SSH1: variants seen among roughly 807,000 people sequenced by gnomAD.
SSH1 encodes protein phosphatase Slingshot homolog 1.
Under a neutral mutation model 79.7 loss-of-function variants are expected in SSH1, and 43 were observed. The ratio of observed to expected loss-of-function variants is 0.54; its 90% CI spans 0.42 to 0.70. The LOEUF is 0.70. Ranked by LOEUF, SSH1 falls within the 30% of genes least tolerant of loss-of-function variation. SSH1 has a pLI of 0.00. For synonymous variants in SSH1, 599 were observed against 538.3 expected (o/e 1.11, Z -1.56); for missense variants, 1,206 against 1,358.8 (o/e 0.89, Z 1.77).
At chr12:108,845,487 A>G (rs1321028856) in intron 2 of SSH1, among the ~76,000 whole-genome samples, 5 of 152,180 alleles carry the variant, frequency 3.3e-5, no homozygotes, top group Non-Finnish European at 7.4e-5. Flanking sequence ...CAGGTGCTCG[A>G]GACCAACCTG....
intron 6 of SSH1, among the ~76,000 whole-genome samples, chr12:108,810,777 C>A (rs893599723): frequency 6.6e-6 from 1 of 152,242 alleles, no homozygotes; most frequent in Non-Finnish European, 1.5e-5. Context: ...CATCCCCCGA[C>A]TGCCTGCCCG....
chr12:108,851,765 T>C (rs199852299), intron 2 of SSH1, among the ~76,000 whole-genome samples: 1 of 152,146 alleles, frequency 6.6e-6, no homozygotes, highest in East Asian at 1.9e-4. Context: ...TTGATACCTT[T>C]AGGGGGTTGA....
chr12:108,800,971 G>A (rs767493834), intron 11 of SSH1, 45 bp from the exon 12 acceptor site: 1 of 1,580,236 alleles, frequency 6.3e-7, no homozygotes, highest in East Asian at 2.2e-5. Context: ...CAATCTGAAT[G>A]AGAAAGAAAA....
chr12:108,825,592 CG>C (rs2038280968), intron 2 of SSH1, among the ~76,000 whole-genome samples: 2 of 152,278 alleles, frequency 1.3e-5, no homozygotes, highest in Admixed American at 6.6e-5. Context: ...AATTGGTTTT[CG>C]ATATCTTGTG....
At position 108,788,471 on chromosome 12, in the gene SSH1, T is replaced by C. The variant is rs746679616; in HGVS notation, c.2667A>G (p.Ser889=). ...GGCTCTTCAGTGAGCCTCCTTCCAA[T>C]GAAGCGGGGGCGGCCTCTGACTTCT... ...SDEKSEAAPA[S]LEGGSLKSPP... The change falls in exon 15 of 15, where the codon TCA becomes TCG. Residue 889 remains serine (S), a synonymous_variant. Coordinates refer to ENST00000326495, the MANE Select transcript of SSH1 (RefSeq NM_018984.4). The C allele has an allele frequency of 4.5e-6, 7 of 1,559,174 alleles. No individual in the cohort carries two copies. The Admixed American group carries it at 1.2e-4, about 26-fold the overall frequency.
chr12:108,818,435 C>T (rs949287265), intron 3 of SSH1, 122 bp from the exon 4 acceptor site: 3 of 820,102 alleles, frequency 3.7e-6, no homozygotes, highest in African/African-American at 3.5e-5. Flanking sequence ...TGTCTACCTA[C>T]ACCACAGGAG....
intron 1 of SSH1, chr12:108,853,223 G>C (rs2039080349): frequency 2.0e-6 from 2 of 985,108 alleles, no homozygotes; most frequent in Non-Finnish European, 1.2e-6. Flanking sequence ...TTAAACATTT[G>C]ATACGAAACA....
intron 10 of SSH1, among the ~76,000 whole-genome samples, chr12:108,803,678 G>A (rs1256913862): frequency 2.0e-5 from 3 of 152,166 alleles, no homozygotes; most frequent in African/African-American, 7.2e-5. Flanking sequence ...AGCTGAGACT[G>A]TCCTCTTGCT....
intron 2 of SSH1, chr12:108,826,322 G>A (rs1393724174): frequency 3.7e-5 from 13 of 354,694 alleles, no homozygotes; most frequent in East Asian, 2.3e-4. Flanking sequence ...CCTGCTCTAC[G>A]CATGAAGTCA....
intron 4 of SSH1, chr12:108,817,529 C>T (rs1386188616): frequency 8.8e-6 from 3 of 340,736 alleles, no homozygotes; most frequent in African/African-American, 4.3e-5. Flanking sequence ...GAGCTGAGAT[C>T]ATGCCACCAC....
intron 2 of SSH1, among the ~76,000 whole-genome samples, chr12:108,823,824 T>C (rs920880953): frequency 1.3e-5 from 2 of 152,300 alleles, no homozygotes; most frequent in East Asian, 1.9e-4. Context: ...TGTGCCACCA[T>C]GGCCAGCTAA....
chr12:108,808,821 C>CTTGTTTTTTT (rs2037419996), intron 7 of SSH1, among the ~76,000 whole-genome samples: 1 of 80,228 alleles, frequency 1.2e-5, no homozygotes. Context: ...TCTTTTACTT[C>CTTGTTTTTTT]TTTTTTTTTT....
At chr12:108,802,253 C>A (rs1373280973) in intron 11 of SSH1, 69 bp downstream of exon 11, 2 of 1,482,300 alleles carry the variant, frequency 1.3e-6, no homozygotes, top group East Asian at 2.3e-5. Flanking sequence ...AGGTCTCCCC[C>A]TCCATGGCAG....
intron 13 of SSH1, among the ~76,000 whole-genome samples, chr12:108,795,440 A>T (rs1490766070): frequency 6.6e-6 from 1 of 151,948 alleles, no homozygotes; most frequent in Non-Finnish European, 1.5e-5. Context: ...TTTTTAGAAG[A>T]GATGGGGTTT....
rs911162493 is a variant in SSH1 at position 108,807,934 on chromosome 12, T to C, written c.537-107A>G. The C allele has an allele frequency of 5.2e-5, 52 of 999,982 alleles. No individual in the cohort carries two copies. In the Admixed American group the frequency reaches 9.3e-4, roughly 18 times the overall value. 61.9% of individuals were successfully genotyped at this position (999,982 alleles called of 1,614,324 possible). On this transcript the variant is annotated intron_variant, in intron 7 of 14. Transcript: ENST00000326495. The surrounding 1 kb of genome is among the most constrained non-coding windows in gnomAD (Gnocchi z 5.2). ...ACGGGAAGGGAAGGGCAATGATTGA[T>C]TGGTTGATTATTTCTTTTTGGGACA...
Position 108,857,528 on chromosome 12 carries a change from G to C in SSH1, c.-32C>G. The C allele has an allele frequency of 5.5e-6, 6 of 1,099,516 alleles. No individual in the cohort carries two copies. The highest frequency in any genetic ancestry group is 4.5e-6 in the Non-Finnish European group (4 of 888,134). The allele number at this position is 1,099,516 out of a possible 1,614,324, so 68.1% of individuals were successfully genotyped here. On this transcript the variant is annotated 5_prime_UTR_variant, in exon 1 of 15. Coordinates refer to ENST00000326495, the MANE Select transcript of SSH1 (RefSeq NM_018984.4). The surrounding 1 kb of genome is among the most constrained non-coding windows in gnomAD (Gnocchi z 4.7). The stretch of plus-strand genomic sequence containing the variant: ...GGCGCGGTGCGAGGGCGCCACAGAC[G>C]TCTCGAGCTAGAGCCGCCACCGCCA...
chr12:108,789,288 G>A (rs1399271375), intron 14 of SSH1, 44 bp from the exon 15 acceptor site: 2 of 1,559,854 alleles, frequency 1.3e-6, no homozygotes, highest in East Asian at 2.4e-5. Flanking sequence ...GTGCAGTCAT[G>A]AGCCAAAGAC....
intron 3 of SSH1, among the ~76,000 whole-genome samples, chr12:108,821,470 C>T (rs1404486986): frequency 6.6e-6 from 1 of 151,728 alleles, no homozygotes; most frequent in South Asian, 2.1e-4. Context: ...TAGAAGTCAT[C>T]GTAATAACAA....
At chr12:108,813,292 TG>T (rs1835386302) in intron 5 of SSH1, among the ~76,000 whole-genome samples, 1 of 152,194 alleles carries the variant, frequency 6.6e-6, no homozygotes, top group Non-Finnish European at 1.5e-5. Flanking sequence ...CAGATGGGTC[TG>T]GAGGTCCAGG....
Sources: allele counts gnomAD v4.1 joint callset (sites outside exome capture counted in the v4.1 genomes callset), GRCh38; gene constraint gnomAD v4.1.1; non-coding constraint Gnocchi (gnomAD v3.1); transcripts MANE v1.5; gene names NCBI Gene and HGNC (gene_info 2026-07-23, HGNC 2026-07-21).